RNF111: variants seen among roughly 807,000 people sequenced by gnomAD.
RNF111 encodes the protein E3 ubiquitin-protein ligase Arkadia.
In RNF111, 17 loss-of-function variants were observed where a neutral mutation model predicts 95.1. The ratio of observed to expected loss-of-function variants is 0.18; its 90% CI spans 0.12 to 0.27. The LOEUF is 0.27. Among genes scored for constraint, RNF111 ranks in the 10% least tolerant of loss-of-function variants. RNF111 has a pLI of 1.00. For missense variants in RNF111, 1,189 were observed against 1,210.4 expected, an observed-to-expected ratio of 0.98 and a Z score of 0.26; for synonymous variants, 440 against 414.8, an observed-to-expected ratio of 1.06 and a Z score of -0.74.
At chr15:59,065,250 T>C (rs1304607106) in intron 5 of RNF111, among the ~76,000 whole-genome samples, 1 of 152,148 alleles carries the variant, frequency 6.6e-6, no homozygotes, top group Non-Finnish European at 1.5e-5. Flanking sequence ...AAGCTTCAAG[T>C]TTTAAAAATC....
At chr15:58,997,601 G>A (rs1276618462) in intron 1 of RNF111, among the ~76,000 whole-genome samples, 1 of 151,234 alleles carries the variant, frequency 6.6e-6, no homozygotes. Context: ...GCCACATCAC[G>A]AGGTCAAGAG....
At chr15:59,019,545 G>T (rs1014712700) in intron 1 of RNF111, among the ~76,000 whole-genome samples, 2 of 107,454 alleles carry the variant, frequency 1.9e-5, no homozygotes, top group Non-Finnish European at 3.8e-5. Context: ...TTTTCATATG[G>T]GTTTATACAC....
At position 59,094,936 on chromosome 15, in the gene RNF111, C is replaced by A; in HGVS notation, c.*36C>A. ...CAGAACTCTTGCCCTCCCTCTCATT[C>A]CCATCCTTCCTGGTACTGCAGTCAA... On this transcript the variant is annotated 3_prime_UTR_variant, in exon 14 of 14. Coordinates refer to ENST00000348370, the MANE Select transcript of RNF111 (RefSeq NM_017610.8). 1 of 1,202,970 alleles carries A rather than the reference C, an allele frequency of 8.3e-7. No individual in the cohort carries two copies. The highest frequency in any genetic ancestry group is 1.2e-6 in the Non-Finnish European group (1 of 805,214). 74.5% of individuals were successfully genotyped at this position (1,202,970 alleles called of 1,614,324 possible). A position where few individuals can be genotyped will look rare whatever the true frequency, so the allele number is the denominator to read the frequency against.
chr15:59,066,683 A>G, intron 5 of RNF111, 81 bp from the exon 6 acceptor site: 2 of 1,060,276 alleles, frequency 1.9e-6, no homozygotes, highest in South Asian at 3.1e-5. Context: ...TTAAACATTT[A>G]TTATTTATAC....
At chr15:59,089,333 G>A (rs1322431917) in intron 10 of RNF111, among the ~76,000 whole-genome samples, 2 of 152,178 alleles carry the variant, frequency 1.3e-5, no homozygotes, top group African/African-American at 4.8e-5. Flanking sequence ...TTATCTTGAA[G>A]TCGAATTTTG....
At chr15:59,016,789 G>A (rs1388996123) in intron 1 of RNF111, among the ~76,000 whole-genome samples, 1 of 152,136 alleles carries the variant, frequency 6.6e-6, no homozygotes, top group East Asian at 1.9e-4. Context: ...GTAGGTGAGT[G>A]GTGGATGAGT....
rs2079170666 is a variant in RNF111, at chr15:59,095,968, T to C, written c.*1068T>C. ...AAAGTCAGCTGAATCTACATGTCTCTTGTTTTATTTCTCTCTAAACTTGAA... is the reference window on the plus strand; with the variant it reads ...AAAGTCAGCTGAATCTACATGTCTCCTGTTTTATTTCTCTCTAAACTTGAA... On this transcript the variant is annotated 3_prime_UTR_variant, in exon 14 of 14. Coordinates refer to ENST00000348370, the MANE Select transcript of RNF111 (RefSeq NM_017610.8). 5.0e-6 allele frequency: 2 copies of C among 398,422 alleles called. No individual in the cohort carries two copies. Among genetic ancestry groups the C allele is most frequent in the Admixed American group, 8.8e-5 (2 of 22,712 alleles). The allele number at this position is 398,422 out of a possible 1,614,324, so 24.7% of individuals were successfully genotyped here. A position where few individuals can be genotyped will look rare whatever the true frequency, so the allele number is the denominator to read the frequency against.
intron 1 of RNF111, among the ~76,000 whole-genome samples, chr15:59,016,618 C>G (rs1469033092): frequency 2.0e-5 from 3 of 152,090 alleles, no homozygotes; most frequent in Admixed American, 2.0e-4. Flanking sequence ...TTTTGTTCTA[C>G]CCTACCTATT....
At chr15:59,051,933 G>A (rs2042005081) in intron 2 of RNF111, among the ~76,000 whole-genome samples, 1 of 151,854 alleles carries the variant, frequency 6.6e-6, no homozygotes, top group Non-Finnish European at 1.5e-5. Flanking sequence ...ATTACTTTGA[G>A]CTATTAAAGG....
Position 59,094,911 on chromosome 15 carries a change from C to T in RNF111, c.*11C>T, listed in dbSNP as rs189017652. 145 of 1,478,734 alleles carry T rather than the reference C, an allele frequency of 9.8e-5. No individual in the cohort carries two copies. Among genetic ancestry groups the T allele is most frequent in the Non-Finnish European group, 8.8e-5 (93 of 1,056,750 alleles). 91.6% of individuals were successfully genotyped at this position (1,478,734 alleles called of 1,614,324 possible). A position where few individuals can be genotyped will look rare whatever the true frequency, so the allele number is the denominator to read the frequency against. ...CCAAGTGAAAGTTGACACCATGTTT[C>T]AGAACTCTTGCCCTCCCTCTCATTC... On this transcript the variant is annotated 3_prime_UTR_variant, in exon 14 of 14. Transcript: ENST00000348370.
Position 59,095,774 on chromosome 15 carries a change from G to A in RNF111, c.*874G>A. 1 of 375,306 alleles carries A rather than the reference G, an allele frequency of 2.7e-6. No individual in the cohort carries two copies. The highest frequency in any genetic ancestry group is 6.9e-4 in the Middle Eastern group (1 of 1,456). The allele number at this position is 375,306 out of a possible 1,614,324, so 23.2% of individuals were successfully genotyped here. A position where few individuals can be genotyped will look rare whatever the true frequency, so the allele number is the denominator to read the frequency against. ...AAATTGAAAAAGACATGTAGAATTT[G>A]TTGTCTTCTGCTAAGCACGAAAAGT... is the stretch of plus-strand genomic sequence containing the variant. On this transcript the variant is annotated 3_prime_UTR_variant, in exon 14 of 14. Transcript: ENST00000348370.
intron 6 of RNF111, among the ~76,000 whole-genome samples, chr15:59,073,648 G>C (rs1052784996): frequency 1.3e-5 from 2 of 152,132 alleles, no homozygotes; most frequent in African/African-American, 4.8e-5. Context: ...ATCCACTGAA[G>C]TCTTGAACCC....
At chr15:59,077,956 C>T (rs929896345) in intron 7 of RNF111, among the ~76,000 whole-genome samples, 3 of 152,144 alleles carry the variant, frequency 2.0e-5, no homozygotes, top group East Asian at 1.9e-4. Context: ...AAACATTTCC[C>T]GTATGCTTTA....
chr15:59,079,469 C>G (rs908083335), intron 7 of RNF111, among the ~76,000 whole-genome samples: 1 of 152,176 alleles, frequency 6.6e-6, no homozygotes, highest in East Asian at 1.9e-4. Context: ...TAAGTACATG[C>G]TAACAAGGCA....
chr15:59,050,100 T>C (rs1406930491), intron 2 of RNF111, among the ~76,000 whole-genome samples: 1 of 149,610 alleles, frequency 6.7e-6, no homozygotes, highest in Admixed American at 6.6e-5. Flanking sequence ...AGTCTCATTC[T>C]GTTGCCCAGG....
chr15:59,015,641 C>T (rs1411780890), intron 1 of RNF111, among the ~76,000 whole-genome samples: 1 of 149,998 alleles, frequency 6.7e-6, no homozygotes, highest in Non-Finnish European at 1.5e-5. Context: ...AAAAAAAGAA[C>T]AAAAGAACCT....
chr15:59,052,351 C>T lies in RNF111; in HGVS notation c.927C>T (p.Pro309=). 23 of 1,606,560 alleles carry T rather than the reference C, an allele frequency of 1.4e-5. No individual in the cohort carries two copies. The highest frequency in any genetic ancestry group is 2.0e-5 in the Non-Finnish European group (23 of 1,176,890). The change falls in exon 3 of 14, where the codon CCC becomes CCT. Residue 309 remains proline, a synonymous_variant. Transcript: ENST00000348370. ...TGGTGATAGAAGCTTCCTCCACTCC[C>T]CAGGTTACTGCCAATGAAGAAATTA... The part of the protein sequence containing the change: ...DVVVIEASST[P]QVTANEEINV...
At chr15:58,999,917 A>G (rs1486007017) in intron 1 of RNF111, among the ~76,000 whole-genome samples, 2 of 152,022 alleles carry the variant, frequency 1.3e-5, no homozygotes, top group Non-Finnish European at 1.5e-5. Flanking sequence ...GTGCCACACA[A>G]TTTTAAAAAA....
chr15:59,023,785 GT>G (rs2040464412), intron 1 of RNF111, among the ~76,000 whole-genome samples: 1 of 151,966 alleles, frequency 6.6e-6, no homozygotes, highest in African/African-American at 2.4e-5. Context: ...TTAACCATCA[GT>G]TTTTTTCCCC....
Sources: gnomAD v4.1 joint callset for allele counts (sites outside exome capture counted in the v4.1 genomes callset) on GRCh38, gnomAD v4.1.1 for gene constraint, MANE v1.5 for transcripts, NCBI Gene and HGNC (gene_info 2026-07-23, HGNC 2026-07-21) for gene names.